Variants in RFTN1 observed in about 807,000 individuals in gnomAD.
The protein encoded by RFTN1 is raftlin, lipid raft linker 1, also known as raftlin.
In RFTN1, 26 loss-of-function variants were observed where a neutral mutation model predicts 46.5. The observed-to-expected ratio is 0.56, with a 90% confidence interval of 0.41 to 0.78. The LOEUF (loss-of-function observed/expected upper bound fraction) is 0.78, where lower values mean the gene tolerates loss of function less well. Ranked by LOEUF, RFTN1 falls within the 30% of genes least tolerant of loss-of-function variation. The pLI is 0.00. For synonymous variants in RFTN1, 261 were observed against 284.2 expected (o/e 0.92, Z 0.82); for missense variants, 693 against 718.7 (o/e 0.96, Z 0.41).
intron 2 of RFTN1, chr3:16,482,810 G>T: frequency 6.5e-7 from 1 of 1,536,158 alleles, no homozygotes; most frequent in South Asian, 1.2e-5. Flanking sequence ...AGAGAGGCCA[G>T]GGAGGGCGCA....
chr3:16,485,440 A>G (rs891305938), intron 2 of RFTN1, among the ~76,000 whole-genome samples: 7 of 152,378 alleles, frequency 4.6e-5, no homozygotes, highest in Middle Eastern at 3.4e-3. Context: ...GACTCCATAC[A>G]TACAACAGCA....
intron 7 of RFTN1, among the ~76,000 whole-genome samples, chr3:16,357,501 G>C (rs1048235727): frequency 6.6e-6 from 1 of 152,162 alleles, no homozygotes; most frequent in African/African-American, 2.4e-5. Flanking sequence ...TACTTAAAAG[G>C]CTTATTGTGC....
chr3:16,414,055 C>A (rs1230979140), intron 3 of RFTN1, among the ~76,000 whole-genome samples: 1 of 152,176 alleles, frequency 6.6e-6, no homozygotes, highest in Non-Finnish European at 1.5e-5. Context: ...CTGTTATTAT[C>A]ATCTATAATT....
intron 1 of RFTN1, among the ~76,000 whole-genome samples, chr3:16,501,386 G>A (rs890143304): frequency 2.6e-5 from 4 of 152,180 alleles, no homozygotes; most frequent in African/African-American, 9.7e-5. Flanking sequence ...ACGTAGAAAA[G>A]GCTTAGTTTA....
intron 1 of RFTN1, among the ~76,000 whole-genome samples, chr3:16,510,303 A>G (rs2076875353): frequency 6.6e-6 from 1 of 152,190 alleles, no homozygotes; most frequent in African/African-American, 2.4e-5. Context: ...AATAGACCAG[A>G]AATCCCCCGG....
chr3:16,326,702 T>G (rs2069730515), intron 8 of RFTN1, 71 bp downstream of exon 8: 2 of 1,113,886 alleles, frequency 1.8e-6, no homozygotes, highest in Non-Finnish European at 2.7e-6. Context: ...AGACGTGAGG[T>G]GCTCATTAGG....
intron 8 of RFTN1, among the ~76,000 whole-genome samples, chr3:16,324,613 A>AACCCC (rs1553718056): frequency 1.1e-5 from 1 of 90,800 alleles, no homozygotes; most frequent in African/African-American, 4.5e-5. Context: ...AATGTCCCTG[A>AACCCC]CCCCCCCCCT....
At chr3:16,359,375 C>T (rs1446098623) in intron 6 of RFTN1, among the ~76,000 whole-genome samples, 1 of 152,128 alleles carries the variant, frequency 6.6e-6, no homozygotes, top group East Asian at 1.9e-4. Flanking sequence ...AGCCCTAACC[C>T]ACAATGTGAC....
At chr3:16,395,024 A>C (rs1315803068) in intron 4 of RFTN1, among the ~76,000 whole-genome samples, 1 of 152,260 alleles carries the variant, frequency 6.6e-6, no homozygotes, top group African/African-American at 2.4e-5. Flanking sequence ...AAAAGTACAG[A>C]AATAAAATTG....
In RFTN1 at chr3:16,403,791, ATATATAATATATAT is replaced by A. The variant is rs2074692656; in HGVS notation, c.441+5570_441+5583del. Reference sequence around the variant, plus strand: ...ATATATAATATATATTATATATTTTATATATAATATATATTATATATTTTATATTATATTTATAT... The same window carrying A: ...ATATATAATATATATTATATATTTTATATATATTTTATATTATATTTATAT... On this transcript the variant is annotated intron_variant, in intron 4 of 9. Transcript: ENST00000334133. Among the ~76,000 whole-genome samples the A allele has an allele frequency of 1.1e-3, 12 of 10,772 alleles. 4 individuals carry two copies. The highest frequency in any genetic ancestry group is 1.7e-3 in the Non-Finnish European group (12 of 7,146). 7.1% of individuals were successfully genotyped at this position (10,772 alleles called of 152,430 possible).
chr3:16,455,956 G>A (rs189587481), intron 2 of RFTN1, among the ~76,000 whole-genome samples: 9 of 150,276 alleles, frequency 6.0e-5, no homozygotes, highest in African/African-American at 1.5e-4. Context: ...CACATCCCCC[G>A]ACACCTCCCT....
intron 4 of RFTN1, among the ~76,000 whole-genome samples, chr3:16,398,462 G>C (rs842495): frequency 0.52 from 79,151 of 151,720 alleles, 21,776 homozygotes; most frequent in Middle Eastern, 0.61. Context: ...ACAAACATGA[G>C]TGTCTGCTGT....
At position 16,338,460 on chromosome 3, in the gene RFTN1, T is replaced by C. The variant is rs1161819086; in HGVS notation, c.1147-11584A>G. On this transcript the variant is annotated intron_variant, in intron 7 of 9. Coordinates refer to ENST00000334133, the MANE Select transcript of RFTN1 (RefSeq NM_015150.2). This position sits in a 1 kb window ranked among gnomAD's most constrained non-coding sequence, Gnocchi z 5.3. ...GTCAGCTGCTCATCGGGACCACGTA[T>C]GCAATAGCACAGGGCTCCTGTCCTC... Among the ~76,000 whole-genome samples, 1 of 152,250 alleles carries C rather than the reference T, an allele frequency of 6.6e-6. No homozygotes were observed. Among genetic ancestry groups the C allele is most frequent in the Non-Finnish European group, 1.5e-5 (1 of 68,048 alleles).
At chr3:16,431,148 A>G (rs1411062309) in intron 3 of RFTN1, among the ~76,000 whole-genome samples, 1 of 152,208 alleles carries the variant, frequency 6.6e-6, no homozygotes, top group African/African-American at 2.4e-5. Context: ...CTTGCACGAC[A>G]CTGCTTACTA....
Position 16,362,000 on chromosome 3 carries a change from G to A in RFTN1, c.1031-3953C>T, listed in dbSNP as rs1226975139. Among the ~76,000 whole-genome samples the A allele has an allele frequency of 6.6e-6, 1 of 152,210 alleles. No individual in the cohort carries two copies. The highest frequency in any genetic ancestry group is 1.9e-4 in the East Asian group (1 of 5,206). Reference sequence around the variant, plus strand: ...TTGTAAGCCAATGAGTTCTGAAGTGGTTTGTTACACAGAATTATTGGAGCA... The same window carrying A: ...TTGTAAGCCAATGAGTTCTGAAGTGATTTGTTACACAGAATTATTGGAGCA... On this transcript the variant is annotated intron_variant, in intron 6 of 9. Transcript: ENST00000334133. The surrounding 1 kb of genome is among the most constrained non-coding windows in gnomAD (Gnocchi z 4.3).
rs1050184914 is a variant in RFTN1 at position 16,457,003 on chromosome 3, GT to G, written c.146-22967del. 2.3e-4 allele frequency among the ~76,000 whole-genome samples: 34 copies of G among 149,984 alleles called. No individual in the cohort carries two copies. The highest frequency in any genetic ancestry group is 5.8e-4 in the East Asian group (3 of 5,142). Reference sequence around the variant, plus strand: ...TCTGTGTATTATGTGTCAATAAAAAGTTTTTTTTTTAAATGACAGATGCCAT... The same window carrying G: ...TCTGTGTATTATGTGTCAATAAAAAGTTTTTTTTTAAATGACAGATGCCAT... On this transcript the variant is annotated intron_variant, in intron 2 of 9. Coordinates refer to ENST00000334133, the MANE Select transcript of RFTN1 (RefSeq NM_015150.2). This position sits in a 1 kb window ranked among gnomAD's most constrained non-coding sequence, Gnocchi z 4.2.
chr3:16,436,385 C>A (rs1164635515), intron 2 of RFTN1, among the ~76,000 whole-genome samples: 4 of 148,240 alleles, frequency 2.7e-5, no homozygotes, highest in Admixed American at 1.3e-4. Flanking sequence ...AAGACAAAGT[C>A]TCTCTCTGTT....
At chr3:16,389,495 C>T (rs201516908) in intron 4 of RFTN1, among the ~76,000 whole-genome samples, 19 of 151,994 alleles carry the variant, frequency 1.3e-4, no homozygotes, top group African/African-American at 4.1e-4. Context: ...GGTTTTTTTT[C>T]GGGGGGGAGG....
chr3:16,512,711 C>G lies in RFTN1; in HGVS notation c.-9+731G>C, dbSNP rs1176572644. 1 of 152,538 alleles carries G rather than the reference C, an allele frequency of 6.6e-6. No homozygotes were observed. Among genetic ancestry groups the G allele is most frequent in the Non-Finnish European group, 1.5e-5 (1 of 68,302 alleles). The allele number at this position is 152,538 out of a possible 1,614,324, so 9.4% of individuals were successfully genotyped here. On this transcript the variant is annotated intron_variant, in intron 1 of 9. Coordinates refer to ENST00000334133, the MANE Select transcript of RFTN1 (RefSeq NM_015150.2). The surrounding 1 kb of genome is among the most constrained non-coding windows in gnomAD (Gnocchi z 4.3). Reference sequence around the variant, plus strand: ...AAATACACAACCACCTCCTCCTCGCCCAGACCCATATCCATCCTGGCGTCC... The same window carrying G: ...AAATACACAACCACCTCCTCCTCGCGCAGACCCATATCCATCCTGGCGTCC...
Sources: allele counts gnomAD v4.1 joint callset (sites outside exome capture counted in the v4.1 genomes callset), GRCh38; gene constraint gnomAD v4.1.1; non-coding constraint Gnocchi (gnomAD v3.1); transcripts MANE v1.5; gene names NCBI Gene and HGNC (gene_info 2026-07-23, HGNC 2026-07-21).